The following TMTC2 variants were observed in gnomAD, a reference collection of about 807,000 sequenced individuals.
The protein encoded by TMTC2 is transmembrane O-mannosyltransferase targeting cadherins 2.
In TMTC2, 43 loss-of-function variants were observed where a neutral mutation model predicts 82.4. The observed-to-expected ratio is 0.52, with a 90% confidence interval of 0.41 to 0.67. The LOEUF (loss-of-function observed/expected upper bound fraction) is 0.67, where lower values mean the gene tolerates loss of function less well. TMTC2 is among the 30% of genes least tolerant of loss of function. The pLI is 0.00. For missense variants in TMTC2, 919 were observed against 1,012.4 expected, an observed-to-expected ratio of 0.91 and a Z score of 1.25; for synonymous variants, 408 against 381.9, an observed-to-expected ratio of 1.07 and a Z score of -0.80.
At chr12:82,951,963 C>A (rs988685787) in intron 4 of TMTC2, among the ~76,000 whole-genome samples, 3 of 152,012 alleles carry the variant, frequency 2.0e-5, no homozygotes, top group African/African-American at 7.2e-5. Context: ...AATGAGAATT[C>A]TTTTGCTTGG....
At chr12:82,854,608 G>C (rs1339096025) in intron 1 of TMTC2, among the ~76,000 whole-genome samples, 4 of 152,048 alleles carry the variant, frequency 2.6e-5, no homozygotes, top group Non-Finnish European at 1.5e-5. Flanking sequence ...TTTTCTAAAT[G>C]ACCACATGCC....
intron 1 of TMTC2, among the ~76,000 whole-genome samples, chr12:82,852,557 T>G (rs1356602534): frequency 6.6e-6 from 1 of 152,190 alleles, no homozygotes; most frequent in Non-Finnish European, 1.5e-5. Context: ...AGTGCCTTTC[T>G]GAATTTTCAA....
At chr12:82,722,374 G>A (rs375443663) in intron 1 of TMTC2, among the ~76,000 whole-genome samples, 23 of 125,578 alleles carry the variant, frequency 1.8e-4, no homozygotes, top group African/African-American at 5.9e-4. Flanking sequence ...CTAACACGGT[G>A]AAACCCCGTC....
intron 11 of TMTC2, among the ~76,000 whole-genome samples, chr12:83,090,693 C>T (rs1883815654): frequency 6.6e-6 from 1 of 152,148 alleles, no homozygotes; most frequent in South Asian, 2.1e-4. Context: ...ATGCTCCTAC[C>T]ATTGCACAGT....
intron 9 of TMTC2, among the ~76,000 whole-genome samples, chr12:83,035,038 G>A (rs981960940): frequency 2.6e-5 from 4 of 152,112 alleles, no homozygotes; most frequent in Non-Finnish European, 4.4e-5. Context: ...AAATGCTTTT[G>A]CAAATGCCAA....
intron 1 of TMTC2, among the ~76,000 whole-genome samples, chr12:82,772,443 A>C (rs12314951): frequency 1.3e-5 from 2 of 151,834 alleles, no homozygotes; most frequent in Non-Finnish European, 2.9e-5. Context: ...ATTAATTAAA[A>C]TTTTTTTTTA....
rs746228038 is a variant in TMTC2 at position 82,857,336 on chromosome 12, T to C, written c.410T>C (p.Val137Ala). 1 of 1,600,968 alleles carries C rather than the reference T, an allele frequency of 6.2e-7. No homozygotes were observed. The highest frequency in any genetic ancestry group is 8.5e-7 in the Non-Finnish European group (1 of 1,175,736). The change falls in exon 2 of 12, where the codon GTG (valine) becomes GCG (alanine). Residue 137 changes from valine to alanine, a missense_variant. By Grantham distance (64) the Val-to-Ala change is moderately conservative. Coordinates refer to ENST00000321196, the MANE Select transcript of TMTC2 (RefSeq NM_152588.3). ...CACACGGAGGCAGTGGCAGGAATCGTGGGACGAGCCGATGTCGGGGCCAGT... is the reference window on the plus strand; with the variant it reads ...CACACGGAGGCAGTGGCAGGAATCGCGGGACGAGCCGATGTCGGGGCCAGT... ...PIHTEAVAGI[V>A]GRADVGASLF...
chr12:83,094,966 G>T (rs757834076), intron 11 of TMTC2, among the ~76,000 whole-genome samples: 1 of 152,176 alleles, frequency 6.6e-6, no homozygotes, highest in African/African-American at 2.4e-5. Context: ...TCACCGGATA[G>T]AACTCAGAAC....
chr12:82,784,022 A>T (rs1878043249), intron 1 of TMTC2, among the ~76,000 whole-genome samples: 1 of 152,078 alleles, frequency 6.6e-6, no homozygotes, highest in Non-Finnish European at 1.5e-5. Context: ...ATTTTCCATT[A>T]ATTATTAGCA....
intron 1 of TMTC2, among the ~76,000 whole-genome samples, chr12:82,735,018 G>A (rs1875012737): frequency 6.6e-6 from 1 of 152,160 alleles, no homozygotes; most frequent in African/African-American, 2.4e-5. Flanking sequence ...ATTCATTGCA[G>A]GTTAATTCAC....
At chr12:83,029,495 T>C (rs529161973) in intron 8 of TMTC2, among the ~76,000 whole-genome samples, 1 of 152,296 alleles carries the variant, frequency 6.6e-6, no homozygotes, top group African/African-American at 2.4e-5. Flanking sequence ...TTCATAACAA[T>C]AGTTTTAAAA....
chr12:82,918,033 T>C (rs1328002047), intron 3 of TMTC2, among the ~76,000 whole-genome samples: 1 of 152,160 alleles, frequency 6.6e-6, no homozygotes, highest in African/African-American at 2.4e-5. Flanking sequence ...CCTCCTAGGC[T>C]CTAGCGATTC....
At chr12:82,734,154 T>A (rs1338867564) in intron 1 of TMTC2, among the ~76,000 whole-genome samples, 1 of 152,222 alleles carries the variant, frequency 6.6e-6, no homozygotes, top group Non-Finnish European at 1.5e-5. Context: ...TTGCAATGTT[T>A]GTGATATGAT....
intron 1 of TMTC2, among the ~76,000 whole-genome samples, chr12:82,735,909 G>T (rs899768686): frequency 6.6e-6 from 1 of 151,802 alleles, no homozygotes; most frequent in African/African-American, 2.4e-5. Context: ...GGAGGCATAG[G>T]TTGCAGTGAG....
intron 1 of TMTC2, among the ~76,000 whole-genome samples, chr12:82,768,565 C>T (rs893226373): frequency 2.0e-4 from 31 of 152,060 alleles, no homozygotes; most frequent in African/African-American, 7.5e-4. Context: ...TATTTACATC[C>T]CACAATGCTG....
chr12:83,029,622 C>T (rs1881339428), intron 8 of TMTC2, among the ~76,000 whole-genome samples: 1 of 152,074 alleles, frequency 6.6e-6, no homozygotes, highest in African/African-American at 2.4e-5. Context: ...CTTTGGACAC[C>T]ACCCAGTGCC....
chr12:82,937,624 A>C (rs2708001), intron 4 of TMTC2, among the ~76,000 whole-genome samples: 130,737 of 151,172 alleles, frequency 0.86, 57,066 homozygotes, highest in East Asian at 0.99. Flanking sequence ...CCCAGCCGGT[A>C]ATTTTTAATG....
chr12:82,779,879 A>G (rs1354550569), intron 1 of TMTC2, among the ~76,000 whole-genome samples: 3 of 152,146 alleles, frequency 2.0e-5, no homozygotes, highest in Non-Finnish European at 4.4e-5. Flanking sequence ...AGCCTGGGCA[A>G]CAGAGCGAGA....
At chr12:82,871,364 A>ATTTT (rs113920774) in intron 2 of TMTC2, among the ~76,000 whole-genome samples, 48 of 145,338 alleles carry the variant, frequency 3.3e-4, no homozygotes, top group African/African-American at 7.0e-4. Context: ...AGAAACAATG[A>ATTTT]TTTTTTTTTT....
Sources: allele counts gnomAD v4.1 joint callset (sites outside exome capture counted in the v4.1 genomes callset), GRCh38; gene constraint gnomAD v4.1.1; transcripts MANE v1.5; gene names NCBI Gene and HGNC (gene_info 2026-07-23, HGNC 2026-07-21).